The following ABCC3 variants were observed in gnomAD, a reference collection of about 807,000 sequenced individuals.
ABCC3 encodes ATP binding cassette subfamily C member 3, also known as ATP-binding cassette sub-family C member 3.
Under a neutral mutation model 165.3 loss-of-function variants are expected in ABCC3, and 121 were observed. That is an observed-to-expected ratio of 0.73 (90% CI 0.63 to 0.85). ABCC3 has a LOEUF of 0.85. ABCC3 is among the 40% of genes least tolerant of loss of function. The pLI, the probability that ABCC3 is intolerant of heterozygous loss-of-function variation, is 0.00. For synonymous variants in ABCC3, 733 were observed against 810.1 expected (o/e 0.90, Z 1.62); for missense variants, 1,869 against 1,964.1 (o/e 0.95, Z 0.92).
intron 14 of ABCC3, 69 bp from the exon 15 acceptor site, chr17:50,668,784 C>T (rs1416123545): frequency 7.4e-7 from 1 of 1,358,600 alleles, no homozygotes; most frequent in Non-Finnish European, 1.0e-6. Context: ...CCCCTGCCCC[C>T]CAGCCTCCCT....
Position 50,675,883 on chromosome 17 carries a change from G to A in ABCC3, c.2860G>A (p.Val954Met), listed in dbSNP as rs947854755. ...TQEEKAAIGT[V>M]ELSVFWDYAK... ...TGACTGCCATGGCTGCTCCCTACAG[G>A]TGGAGCTCAGTGTGTTCTGGGATTA... Residue 954 changes from valine (V) to methionine (M), a missense_variant and splice_region_variant, in exon 22 of 31, where the codon GTG (valine) becomes ATG (methionine). Transcript: ENST00000285238. 1 of 1,614,120 alleles carries A rather than the reference G, an allele frequency of 6.2e-7. No homozygotes were observed. Among genetic ancestry groups the A allele is most frequent in the Non-Finnish European group, 8.5e-7 (1 of 1,180,018 alleles).
rs1351852787 is a variant in ABCC3 at position 50,679,924 on chromosome 17, CAG to C, written c.3807+26_3807+27del. 3.1e-6 allele frequency: 5 copies of C among 1,588,186 alleles called. No individual in the cohort carries two copies. In the African/African-American group the frequency reaches 5.4e-5, roughly 17 times the overall value. ...GGTGGGTACTGGCATGAGCCCGGGA[CAG>C]GGGGAATCTGAAGTAGCTGGGGAAG... On this transcript the variant is annotated intron_variant, in intron 26 of 30. Transcript: ENST00000285238.
chr17:50,648,787 T>C lies in ABCC3; in HGVS notation c.46-7045T>C, dbSNP rs919394801. ...ACACAGAGCAGCCAACTCTTTAGTGTCTTACTCCAAAATATTGAGACAGCC... is the reference window on the plus strand; with the variant it reads ...ACACAGAGCAGCCAACTCTTTAGTGCCTTACTCCAAAATATTGAGACAGCC... On this transcript the variant is annotated intron_variant, in intron 1 of 30. Transcript: ENST00000285238. 2.0e-5 allele frequency among the ~76,000 whole-genome samples: 3 copies of C among 152,130 alleles called. 1 individual carries two copies. Among genetic ancestry groups the C allele is most frequent in the South Asian group, 4.1e-4 (2 of 4,826 alleles).
chr17:50,661,644 G>A (rs2146612182), intron 8 of ABCC3, among the ~76,000 whole-genome samples: 1 of 152,336 alleles, frequency 6.6e-6, no homozygotes, highest in South Asian at 2.1e-4. Flanking sequence ...GCCCCTCCGT[G>A]CATGCATTAA....
Position 50,676,713 on chromosome 17 carries a change from G to A in ABCC3, c.3378+125G>A, listed in dbSNP as rs532660631. The stretch of plus-strand genomic sequence containing the variant: ...TTACAGAGTTTTGTTAGGGGCAGTC[G>A]TTGCTTAACATTTATGTTAGGGGAG... On this transcript the variant is annotated intron_variant, in intron 23 of 30. Coordinates refer to ENST00000285238, the MANE Select transcript of ABCC3 (RefSeq NM_003786.4). 8.3e-5 allele frequency: 76 copies of A among 920,092 alleles called. No homozygotes were observed. In the East Asian group the frequency reaches 9.3e-4, roughly 11 times the overall value. 57.0% of individuals were successfully genotyped at this position (920,092 alleles called of 1,614,324 possible).
chr17:50,674,816 TG>T (rs113150232), intron 19 of ABCC3, among the ~76,000 whole-genome samples: 1,690 of 145,676 alleles, frequency 0.012, 55 homozygotes, highest in East Asian at 0.049. Flanking sequence ...TTTTTTTTTT[TG>T]GGGACAGTTT....
chr17:50,690,267 A>C (rs535436380), intron 30 of ABCC3, among the ~76,000 whole-genome samples: 2 of 147,124 alleles, frequency 1.4e-5, no homozygotes, highest in Admixed American at 1.4e-4. Flanking sequence ...ATGGGAGAGC[A>C]TTCAGTCCTT....
rs373372226 is a variant in ABCC3, at chr17:50,687,779, G to A, written c.4475+49G>A. 1.5e-4 allele frequency: 236 copies of A among 1,578,876 alleles called. 1 individual carries two copies. In the African/African-American group the frequency reaches 2.7e-3, roughly 18 times the overall value. ...TGGGGAACCTGGTGGGGCCACCTGG[G>A]GCATCAGGAATGGGCAGGGCAGATT... On this transcript the variant is annotated intron_variant, in intron 30 of 30. Transcript: ENST00000285238.
At chr17:50,648,284 A>T (rs1010131047) in intron 1 of ABCC3, among the ~76,000 whole-genome samples, 11 of 152,212 alleles carry the variant, frequency 7.2e-5, no homozygotes, top group African/African-American at 2.7e-4. Flanking sequence ...ACCAAAGGCC[A>T]TTTGGAGTCT....
chr17:50,655,875 C>T lies in ABCC3; in HGVS notation c.89C>T (p.Pro30Leu), dbSNP rs759174103. Residue 30 changes from proline to leucine, a missense_variant, in exon 2 of 31, where the codon CCC (proline) becomes CTC (leucine). Pro to Leu is a moderately conservative substitution (Grantham distance 98). Coordinates refer to ENST00000285238, the MANE Select transcript of ABCC3 (RefSeq NM_003786.4). Reference protein sequence around the residue: ...SVHTENPDLTPCFQNSLLAWV... With the variant: ...SVHTENPDLTLCFQNSLLAWV... ...CACACAGAAAACCCGGACCTCACTCCCTGCTTCCAGAACTCCCTGCTGGCC... is the reference window on the plus strand; with the variant it reads ...CACACAGAAAACCCGGACCTCACTCTCTGCTTCCAGAACTCCCTGCTGGCC... The T allele has an allele frequency of 1.9e-6, 3 of 1,613,874 alleles. No individual in the cohort carries two copies. In the Admixed American group the frequency reaches 5.0e-5, roughly 27 times the overall value.
At chr17:50,674,001 T>C (rs1294858060) in intron 19 of ABCC3, among the ~76,000 whole-genome samples, 2 of 13,354 alleles carry the variant, frequency 1.5e-4, no homozygotes, top group South Asian at 2.1e-3. Context: ...TCTCTCTCTC[T>C]CTCTCTCTCT....
At chr17:50,680,529 A>G (rs1967909618) in intron 26 of ABCC3, among the ~76,000 whole-genome samples, 1 of 152,054 alleles carries the variant, frequency 6.6e-6, no homozygotes. Context: ...CTCATGCTCC[A>G]AGTCCCCCAC....
intron 25 of ABCC3, 56 bp from the exon 26 acceptor site, chr17:50,679,742 G>A: frequency 6.6e-7 from 1 of 1,511,962 alleles, no homozygotes; most frequent in Non-Finnish European, 9.2e-7. Flanking sequence ...TCCTCCCAAA[G>A]CCATTACGGT....
chr17:50,676,633 G>A, intron 23 of ABCC3, 45 bp downstream of exon 23: 1 of 1,539,724 alleles, frequency 6.5e-7, no homozygotes, highest in Non-Finnish European at 8.8e-7. Flanking sequence ...TGTTATTGGG[G>A]CGGGGCAACA....
At chr17:50,639,523 G>C (rs1011192835) in intron 1 of ABCC3, among the ~76,000 whole-genome samples, 1 of 152,038 alleles carries the variant, frequency 6.6e-6, no homozygotes, top group Non-Finnish European at 1.5e-5. Flanking sequence ...GACCAGCTGA[G>C]CCACCCCGGA....
chr17:50,685,969 G>A (rs1277095341), intron 29 of ABCC3, among the ~76,000 whole-genome samples: 1 of 152,236 alleles, frequency 6.6e-6, no homozygotes, highest in Non-Finnish European at 1.5e-5. Flanking sequence ...GCCAAGGCAG[G>A]TGGATCACTT....
chr17:50,651,066 G>GGAAA (rs377148373), intron 1 of ABCC3, among the ~76,000 whole-genome samples: 1 of 84,284 alleles, frequency 1.2e-5, no homozygotes, highest in Middle Eastern at 7.2e-3. Flanking sequence ...CTCCATCTCA[G>GGAAA]AAAAAAAAAA....
intron 1 of ABCC3, chr17:50,643,452 C>G: frequency 6.8e-6 from 3 of 443,924 alleles, no homozygotes; most frequent in Non-Finnish European, 1.4e-5. Flanking sequence ...CTTCTGCCCA[C>G]CTGGGCCTTC....
intron 6 of ABCC3, 117 bp downstream of exon 6, chr17:50,658,613 A>C (rs1287392649): frequency 1.8e-6 from 2 of 1,129,136 alleles, no homozygotes; most frequent in Non-Finnish European, 2.7e-6. Flanking sequence ...CCCACCCCCC[A>C]CCGCAGTGGG....
Sources: gnomAD v4.1 joint callset for allele counts (sites outside exome capture counted in the v4.1 genomes callset) on GRCh38, gnomAD v4.1.1 for gene constraint, MANE v1.5 for transcripts, NCBI Gene and HGNC (gene_info 2026-07-23, HGNC 2026-07-21) for gene names.